Variants in TENM3 observed in about 807,000 individuals in gnomAD.
TENM3 encodes teneurin-3.
In TENM3, 63 loss-of-function variants were observed where a neutral mutation model predicts 255.1. That is an observed-to-expected ratio of 0.25 (90% CI 0.20 to 0.30). TENM3 has a LOEUF of 0.30. Among genes scored for constraint, TENM3 ranks in the 10% least tolerant of loss-of-function variants. The probability of loss-of-function intolerance (pLI) is 1.00; values close to 1 mark genes in which losing one functional copy is unlikely to be tolerated. For synonymous variants in TENM3, 1,306 were observed against 1,322.3 expected (o/e 0.99, Z 0.27); for missense variants, 2,929 against 3,461.1 (o/e 0.85, Z 3.86).
intron 22 of TENM3, among the ~76,000 whole-genome samples, chr4:182,769,885 A>G (rs1441452276): frequency 6.6e-6 from 1 of 152,044 alleles, no homozygotes; most frequent in Non-Finnish European, 1.5e-5. Flanking sequence ...CAGGTGGATC[A>G]CCTGAGGACA....
At chr4:182,196,163 C>T (rs1041649630) in intron 1 of TENM3, among the ~76,000 whole-genome samples, 1 of 152,072 alleles carries the variant, frequency 6.6e-6, no homozygotes, top group African/African-American at 2.4e-5. Flanking sequence ...CGCCATCCCC[C>T]GTGCGGAGTG....
intron 3 of TENM3, among the ~76,000 whole-genome samples, chr4:182,501,486 GT>G (rs1736324908): frequency 6.6e-6 from 1 of 151,882 alleles, no homozygotes; most frequent in African/African-American, 2.4e-5. Context: ...TAGAGTATTT[GT>G]TTTTTCATAA....
the TENM3 span, among the ~76,000 whole-genome samples, chr4:181,979,095 GACATATATATATATATATATATATATAT>G: frequency 3.7e-4 from 27 of 72,164 alleles, no homozygotes; most frequent in African/African-American, 1.5e-3. Flanking sequence ...CATTAAGCCT[GACATATATATATATATATATATATATAT>G]ATATATATAT....
At chr4:182,507,782 G>T (rs1736989870) in intron 3 of TENM3, among the ~76,000 whole-genome samples, 1 of 152,186 alleles carries the variant, frequency 6.6e-6, no homozygotes, top group Admixed American at 6.5e-5. Flanking sequence ...TATAGTTACT[G>T]TCTTTTATTT....
At chr4:181,926,943 G>A in the TENM3 span, among the ~76,000 whole-genome samples, 77 of 152,114 alleles carry the variant, frequency 5.1e-4, no homozygotes, top group African/African-American at 1.6e-3. Flanking sequence ...AAGGGAAGCC[G>A]TGAGGGACCG....
chr4:181,507,154 C>A, the TENM3 span, among the ~76,000 whole-genome samples: 1 of 152,206 alleles, frequency 6.6e-6, no homozygotes. Flanking sequence ...TATACTTGCT[C>A]TCAACTCCTC....
chr4:182,680,694 T>C lies in TENM3; in HGVS notation c.1791T>C (p.Ser597=), dbSNP rs2871328. The C allele has an allele frequency of 0.4, 631,999 of 1,592,062 alleles. 131,795 individuals are homozygous for C. Among genetic ancestry groups the C allele is most frequent in the East Asian group, 0.77 (34,263 of 44,552 alleles). The change falls in exon 10 of 28, where the codon TCT becomes TCC. Residue 597 remains serine, a synonymous_variant. Coordinates refer to ENST00000511685, the MANE Select transcript of TENM3 (RefSeq NM_001080477.4). ...CGGRGICIMG[S]CACNSGYKGE... Reference sequence around the variant, plus strand: ...GTCGTGGGATTTGTATCATGGGCTCTTGTGCTTGCAACTCAGGATACAAAG... The same window carrying C: ...GTCGTGGGATTTGTATCATGGGCTCCTGTGCTTGCAACTCAGGATACAAAG...
chr4:182,766,514 T>G (rs1032450658), intron 22 of TENM3, among the ~76,000 whole-genome samples: 2 of 152,198 alleles, frequency 1.3e-5, no homozygotes, highest in Non-Finnish European at 2.9e-5. Context: ...CCTGTGAATT[T>G]CAGAGCTGGG....
At chr4:182,774,475 A>C (rs1764517669) in intron 23 of TENM3, among the ~76,000 whole-genome samples, 1 of 152,216 alleles carries the variant, frequency 6.6e-6, no homozygotes, top group Admixed American at 6.5e-5. Context: ...TTTGGTATTC[A>C]AGATATAGAT....
At chr4:182,242,828 C>T (rs1482101541), upstream of TENM3, among the ~76,000 whole-genome samples, 1 of 152,092 alleles carries the variant, frequency 6.6e-6, no homozygotes, top group Admixed American at 6.6e-5. Flanking sequence ...ATCTTCCTAC[C>T]GTGGTGGTTC....
the TENM3 span, among the ~76,000 whole-genome samples, chr4:181,889,493 G>A: frequency 2.0e-5 from 3 of 152,208 alleles, no homozygotes; most frequent in East Asian, 1.9e-4. Flanking sequence ...TTACAGCAAC[G>A]CAAGAACAGC....
chr4:181,635,840 C>A, the TENM3 span, among the ~76,000 whole-genome samples: 162 of 152,260 alleles, frequency 1.1e-3, 3 homozygotes, highest in South Asian at 6.0e-3. Flanking sequence ...ACGGGGCTTC[C>A]TCACATAGAT....
At chr4:181,982,606 G>A in the TENM3 span, among the ~76,000 whole-genome samples, 14 of 152,140 alleles carry the variant, frequency 9.2e-5, no homozygotes, top group Non-Finnish European at 1.6e-4. Context: ...TTGCATACTC[G>A]AAGCCTGAAA....
chr4:181,718,665 T>A, the TENM3 span, among the ~76,000 whole-genome samples: 2 of 152,238 alleles, frequency 1.3e-5, no homozygotes, highest in African/African-American at 2.4e-5. Context: ...CCAGAGTTTC[T>A]AGGCTTACCT....
intron 4 of TENM3, among the ~76,000 whole-genome samples, chr4:182,611,041 C>G (rs571742254): frequency 1.3e-5 from 2 of 152,096 alleles, no homozygotes; most frequent in Admixed American, 6.5e-5. Context: ...GCCATCACAT[C>G]TGGCCTTATC....
At chr4:181,769,526 A>G in the TENM3 span, among the ~76,000 whole-genome samples, 1 of 152,216 alleles carries the variant, frequency 6.6e-6, no homozygotes, top group Non-Finnish European at 1.5e-5. Flanking sequence ...AGCACTTAAT[A>G]AAACTTATTT....
At chr4:181,455,188 A>G in the TENM3 span, among the ~76,000 whole-genome samples, 1 of 152,160 alleles carries the variant, frequency 6.6e-6, no homozygotes, top group Non-Finnish European at 1.5e-5. Flanking sequence ...TTCTAAAAGT[A>G]CTAGGTATAG....
At chr4:182,206,604 A>G (rs1754597564) in intron 1 of TENM3, among the ~76,000 whole-genome samples, 1 of 152,208 alleles carries the variant, frequency 6.6e-6, no homozygotes, top group African/African-American at 2.4e-5. Context: ...GGAGTCATTC[A>G]TTCAATAAAT....
the TENM3 span, among the ~76,000 whole-genome samples, chr4:181,798,369 T>C: frequency 1.3e-5 from 2 of 152,078 alleles, no homozygotes; most frequent in Admixed American, 6.6e-5. Context: ...ACTGCGGTGC[T>C]ACAATCTCAG....
Sources: gnomAD v4.1 joint callset for allele counts (sites outside exome capture counted in the v4.1 genomes callset) on GRCh38, gnomAD v4.1.1 for gene constraint, MANE v1.5 for transcripts, NCBI Gene and HGNC (gene_info 2026-07-23, HGNC 2026-07-21) for gene names.